Variants in UGT1A4 observed in about 807,000 individuals in gnomAD.
UGT1A4 encodes the protein UDP glucuronosyltransferase family 1 member A4.
In UGT1A4, 32 loss-of-function variants were observed where a neutral mutation model predicts 41.1. The ratio of observed to expected loss-of-function variants is 0.78; its 90% CI spans 0.59 to 1.05. UGT1A4 has a LOEUF of 1.05. UGT1A4 is among the 50% of genes least tolerant of loss of function. The pLI is 0.00. For synonymous variants in UGT1A4, 283 were observed against 265.1 expected (o/e 1.07, Z -0.66); for missense variants, 748 against 677.4 (o/e 1.10, Z -1.16).
Position 233,768,298 on chromosome 2 carries a change from T to A in UGT1A4, c.1166T>A (p.Met389Lys). The A allele has an allele frequency of 6.2e-7, 1 of 1,614,192 alleles. No individual in the cohort carries two copies. Reference protein sequence around the residue: ...VYESICNGVPMVMMPLFGDQM... With the variant: ...VYESICNGVPKVMMPLFGDQM... ...GAAAGCATATGCAATGGCGTTCCCA[T>A]GGTGATGATGCCCTTGTTTGGTGAT... Residue 389 changes from methionine (M) to lysine (K), a missense_variant, in exon 4 of 5, where the codon ATG (methionine) becomes AAG (lysine). Met to Lys is a moderately conservative substitution (Grantham distance 95, BLOSUM62 -1). Transcript: ENST00000373409.
At chr2:233,760,509 C>T (rs72551340) in intron 1 of UGT1A4, 1 of 1,614,154 alleles carries the variant, frequency 6.2e-7, no homozygotes, top group African/African-American at 1.3e-5. Flanking sequence ...GAGCATTTTA[C>T]ACCTTGAAGA....
At chr2:233,764,825 G>A (rs1698655202) in intron 1 of UGT1A4, among the ~76,000 whole-genome samples, 1 of 152,070 alleles carries the variant, frequency 6.6e-6, no homozygotes, top group African/African-American at 2.4e-5. Flanking sequence ...ATGCAGCATG[G>A]TGGTGGGGAG....
At chr2:233,729,880 G>T in intron 1 of UGT1A4, 1 of 1,613,860 alleles carries the variant, frequency 6.2e-7, no homozygotes, top group Non-Finnish European at 8.5e-7. Flanking sequence ...TCTCAGTCAT[G>T]CATCTGTGTG....
chr2:233,765,482 C>T (rs1647966215), intron 1 of UGT1A4, among the ~76,000 whole-genome samples: 1 of 152,108 alleles, frequency 6.6e-6, no homozygotes, highest in South Asian at 2.1e-4. Context: ...TGGAAGCCAT[C>T]ATCCTCCACA....
At chr2:233,729,825 C>A (rs770263678) in intron 1 of UGT1A4, 2 of 1,613,912 alleles carry the variant, frequency 1.2e-6, no homozygotes, top group Non-Finnish European at 1.7e-6. Flanking sequence ...CTTATGCAAG[C>A]CTTGCCTCTG....
chr2:233,767,244 T>A, intron 2 of UGT1A4, 79 bp downstream of exon 2: 13 of 1,606,204 alleles, frequency 8.1e-6, no homozygotes, highest in Non-Finnish European at 1.1e-5. Context: ...CCAGATTAAT[T>A]CTCTTAATTG....
chr2:233,768,495 T>C (rs1699626018), intron 4 of UGT1A4, 56 bp downstream of exon 4: 19 of 1,573,996 alleles, frequency 1.2e-5, no homozygotes, highest in Non-Finnish European at 1.5e-5. Flanking sequence ...ATAAAATTGT[T>C]TCAAATATGA....
chr2:233,738,565 G>A (rs1000487270), intron 1 of UGT1A4, among the ~76,000 whole-genome samples: 1 of 152,204 alleles, frequency 6.6e-6, no homozygotes, highest in African/African-American at 2.4e-5. Context: ...TGAGGAATCT[G>A]TTGAGAACTG....
intron 1 of UGT1A4, chr2:233,754,643 CTCAA>C (rs886471187): frequency 6.7e-6 from 3 of 449,160 alleles, no homozygotes; most frequent in Non-Finnish European, 8.9e-6. Context: ...CTTGGCCATT[CTCAA>C]TGATTCTCTT....
At chr2:233,743,483 T>A in intron 1 of UGT1A4, 1 of 1,367,128 alleles carries the variant, frequency 7.3e-7, no homozygotes, top group Non-Finnish European at 9.8e-7. Flanking sequence ...GGAAATTCAC[T>A]GAAGGCAGAG....
chr2:233,736,864 A>G lies in UGT1A4; in HGVS notation c.867+17177A>G, dbSNP rs948375151. On this transcript the variant is annotated intron_variant, in intron 1 of 4. Transcript: ENST00000373409. ...ACCAGTGGAGGCTGCAGAACAGCAA[A>G]TATTGCAGAACAGCAAATATTGCTG... Among the ~76,000 whole-genome samples, 4 of 152,194 alleles carry G rather than the reference A, an allele frequency of 2.6e-5. No homozygotes were observed. The East Asian group carries it at 7.7e-4, about 29-fold the overall frequency.
intron 1 of UGT1A4, chr2:233,721,856 C>T (rs902057829): frequency 1.4e-5 from 7 of 510,102 alleles, no homozygotes; most frequent in South Asian, 4.2e-5. Context: ...CCCCACTGCT[C>T]GGCCCTGGGC....
chr2:233,751,620 T>A (rs1457712151), intron 1 of UGT1A4, among the ~76,000 whole-genome samples: 2 of 152,180 alleles, frequency 1.3e-5, no homozygotes, highest in Non-Finnish European at 2.9e-5. Flanking sequence ...GGTGATTGGA[T>A]CATGTGTGCA....
chr2:233,724,460 G>A lies in UGT1A4; in HGVS notation c.867+4773G>A, dbSNP rs551187141. 1.6e-3 allele frequency among the ~76,000 whole-genome samples: 182 copies of A among 113,876 alleles called. 4 individuals carry two copies. Among genetic ancestry groups the A allele is most frequent in the Middle Eastern group, 0.011 (2 of 176 alleles). The allele number at this position is 113,876 out of a possible 152,430, so 74.7% of individuals were successfully genotyped here. A position where few individuals can be genotyped will look rare whatever the true frequency, so the allele number is the denominator to read the frequency against. ...TTCTCAGACAGGGCAGCTGCCGGGC[G>A]GAGGGGCTCCTCACTTCTCAGACGG... On this transcript the variant is annotated intron_variant, in intron 1 of 4. Transcript: ENST00000373409.
In UGT1A4 at chr2:233,769,812, GC is replaced by G; in HGVS notation, c.1307+1375del. The G allele has an allele frequency of 1.0e-6, 1 of 971,458 alleles. No individual in the cohort carries two copies. Among genetic ancestry groups the G allele is most frequent in the African/African-American group, 1.7e-5 (1 of 59,662 alleles). The allele number at this position is 971,458 out of a possible 1,614,324, so 60.2% of individuals were successfully genotyped here. A position where few individuals can be genotyped will look rare whatever the true frequency, so the allele number is the denominator to read the frequency against. On this transcript the variant is annotated intron_variant, in intron 4 of 4. Coordinates refer to ENST00000373409, the MANE Select transcript of UGT1A4 (RefSeq NM_007120.3). This position sits in a 1 kb window ranked among gnomAD's most constrained non-coding sequence, Gnocchi z 4.4. The stretch of plus-strand genomic sequence containing the variant: ...GGAGGCTGCTATGAGCCGTGATCAT[GC>G]CACTGCACTCCAGCAACCTGGGCAA...
intron 1 of UGT1A4, among the ~76,000 whole-genome samples, chr2:233,738,308 G>T (rs1018461415): frequency 7.9e-5 from 12 of 152,194 alleles, no homozygotes; most frequent in African/African-American, 2.7e-4. Flanking sequence ...TGTCTTTATA[G>T]CAGTGTGTGA....
intron 1 of UGT1A4, among the ~76,000 whole-genome samples, chr2:233,735,045 C>G (rs2078601106): frequency 6.6e-6 from 1 of 152,170 alleles, no homozygotes; most frequent in Non-Finnish European, 1.5e-5. Flanking sequence ...TGGTGCAGAG[C>G]TGAGTTCAGG....
intron 3 of UGT1A4, 57 bp downstream of exon 3, chr2:233,767,993 T>G (rs2126036231): frequency 1.2e-6 from 2 of 1,614,180 alleles, no homozygotes; most frequent in Admixed American, 3.3e-5. Flanking sequence ...AGAAAATGGC[T>G]TAAGCACAGC....
Position 233,772,709 on chromosome 2 carries a change from TAAATAA to T in UGT1A4, c.*157_*162del. ...CCCAGAGTGCTTTAAAAAATTCTCT[TAAATAA>T]AAATAATAGACTCGCTAGTCAGTAA... On this transcript the variant is annotated 3_prime_UTR_variant, in exon 5 of 5. Coordinates refer to ENST00000373409, the MANE Select transcript of UGT1A4 (RefSeq NM_007120.3). 1 of 1,467,584 alleles carries T rather than the reference TAAATAA, an allele frequency of 6.8e-7. No individual in the cohort carries two copies. Among genetic ancestry groups the T allele is most frequent in the Non-Finnish European group, 9.0e-7 (1 of 1,115,204 alleles). 90.9% of individuals were successfully genotyped at this position (1,467,584 alleles called of 1,614,324 possible).
Sources: allele counts gnomAD v4.1 joint callset (sites outside exome capture counted in the v4.1 genomes callset), GRCh38; gene constraint gnomAD v4.1.1; non-coding constraint Gnocchi (gnomAD v3.1); transcripts MANE v1.5; gene names NCBI Gene and HGNC (gene_info 2026-07-23, HGNC 2026-07-21).